The following LDB3 variants were observed in gnomAD, a reference collection of about 807,000 sequenced individuals.
The protein encoded by LDB3 is LIM domain-binding protein 3.
A neutral mutation model predicts 69.0 loss-of-function variants in LDB3; 49 were observed. That is an observed-to-expected ratio of 0.71 (90% CI 0.56 to 0.90). The LOEUF is 0.90. Ranked by LOEUF, LDB3 falls within the 40% of genes least tolerant of loss-of-function variation. LDB3 has a pLI of 0.00. For missense variants in LDB3, 928 were observed against 974.1 expected, an observed-to-expected ratio of 0.95 and a Z score of 0.63; for synonymous variants, 387 against 396.2, an observed-to-expected ratio of 0.98 and a Z score of 0.28.
rs1434546978 is a variant in LDB3, at chr10:86,699,541, C to T, written c.896+6970C>T. 24 of 1,484,774 alleles carry T rather than the reference C, an allele frequency of 1.6e-5. No homozygotes were observed. Among genetic ancestry groups the T allele is most frequent in the Non-Finnish European group, 2.0e-5 (22 of 1,119,082 alleles). The allele number at this position is 1,484,774 out of a possible 1,614,324, so 92.0% of individuals were successfully genotyped here. A position where few individuals can be genotyped will look rare whatever the true frequency, so the allele number is the denominator to read the frequency against. ...TTTCTGTCCTCTGCCCACCCCAGAG[C>T]TGATGCTGGGGCCCAGCCCCCTGCA... On this transcript the variant is annotated intron_variant, in intron 7 of 13. Transcript: ENST00000361373. This position sits in a 1 kb window ranked among gnomAD's most constrained non-coding sequence, Gnocchi z 4.9.
Position 86,732,911 on chromosome 10 carries a change from C to A in LDB3, c.2119C>A (p.Gln707Lys). ...CAVCHVNLEG[Q>K]PFYSKKDRPL... The stretch of plus-strand genomic sequence containing the variant: ...GGTCTGCCATGTGAATCTGGAGGGG[C>A]AGCCGTTCTACTCCAAGAAGGACAG... Residue 707 changes from glutamine (Q) to lysine (K), a missense_variant, in exon 14 of 14, where the codon CAG becomes AAG. Gln to Lys is a moderately conservative substitution (Grantham distance 53, BLOSUM62 1). Coordinates refer to ENST00000361373, the MANE Select transcript of LDB3 (RefSeq NM_007078.3). The A allele has an allele frequency of 6.2e-7, 1 of 1,613,874 alleles. No homozygotes were observed. The highest frequency in any genetic ancestry group is 1.7e-4 in the Middle Eastern group (1 of 6,058).
Position 86,699,236 on chromosome 10 carries a change from T to C in LDB3, c.896+6665T>C, listed in dbSNP as rs1846144574. 11 of 1,535,906 alleles carry C rather than the reference T, an allele frequency of 7.2e-6. No individual in the cohort carries two copies. Among genetic ancestry groups the C allele is most frequent in the Admixed American group, 5.7e-5 (3 of 52,538 alleles). On this transcript the variant is annotated intron_variant, in intron 7 of 13. Coordinates refer to ENST00000361373, the MANE Select transcript of LDB3 (RefSeq NM_007078.3). This position sits in a 1 kb window ranked among gnomAD's most constrained non-coding sequence, Gnocchi z 4.9. Reference sequence around the variant, plus strand: ...TTCTCTCTCTTTCTGTCTCTGTCTCTGTTTCTCTCTCTCTCTCTCTCTCTC... The same window carrying C: ...TTCTCTCTCTTTCTGTCTCTGTCTCCGTTTCTCTCTCTCTCTCTCTCTCTC...
At chr10:86,693,322 T>TTCCGGTAGCAAATATGTCA (rs1218474655) in intron 7 of LDB3, among the ~76,000 whole-genome samples, 1 of 152,182 alleles carries the variant, frequency 6.6e-6, no homozygotes, top group Admixed American at 6.5e-5. Context: ...GTATGTACAC[T>TTCCGGTAGCAAATATGTCA]TCCGGTAGCA....
intron 5 of LDB3, among the ~76,000 whole-genome samples, chr10:86,688,353 C>G (rs1204411726): frequency 6.6e-6 from 1 of 152,158 alleles, no homozygotes; most frequent in African/African-American, 2.4e-5. Flanking sequence ...AGACCCCAGC[C>G]CTTGTGGCCA....
chr10:86,688,225 A>C (rs2132402042), intron 5 of LDB3, among the ~76,000 whole-genome samples: 1 of 152,298 alleles, frequency 6.6e-6, no homozygotes, highest in African/African-American at 2.4e-5. Context: ...CTAGCAATTC[A>C]AGGCAAAAAG....
chr10:86,668,304 G>A, upstream of LDB3: 1 of 343,678 alleles, frequency 2.9e-6, no homozygotes, highest in Admixed American at 3.8e-5. Flanking sequence ...GGAGACCAGA[G>A]CATTCTCACC....
chr10:86,692,020 T>C lies in LDB3; in HGVS notation c.814T>C (p.Ser272Pro). 6.2e-7 allele frequency: 1 copy of C among 1,614,086 alleles called. No individual in the cohort carries two copies. Among genetic ancestry groups the C allele is most frequent in the Non-Finnish European group, 8.5e-7 (1 of 1,180,028 alleles). The change falls in exon 6 of 14, where the codon TCT becomes CCT. Residue 272 changes from serine (S) to proline (P), a missense_variant. By Grantham distance (74) the Ser-to-Pro change is moderately conservative. Coordinates refer to ENST00000361373, the MANE Select transcript of LDB3 (RefSeq NM_007078.3). The part of the protein sequence containing the change: ...EWARRSSNLQ[S>P]RSFRILAQMT... ...GGCACGCCGTTCCTCCAACCTGCAG[T>C]CTCGCTCCTTCCGCATCCTGGCCCA...
chr10:86,709,174 G>A (rs903356877), intron 8 of LDB3, among the ~76,000 whole-genome samples: 2 of 152,164 alleles, frequency 1.3e-5, no homozygotes, highest in Non-Finnish European at 2.9e-5. Context: ...GATTCCAGGA[G>A]TTCTCAGAGC....
chr10:86,715,727 A>G (rs1169637376), intron 9 of LDB3, among the ~76,000 whole-genome samples: 1 of 151,486 alleles, frequency 6.6e-6, no homozygotes, highest in East Asian at 1.9e-4. Context: ...AAGATCCCCC[A>G]CCCTAATCAA....
chr10:86,729,806 T>C (rs955855556), intron 13 of LDB3, among the ~76,000 whole-genome samples: 2 of 152,180 alleles, frequency 1.3e-5, no homozygotes, highest in Non-Finnish European at 2.9e-5. Context: ...CCTGGACACC[T>C]TCTCTCCCCA....
chr10:86,692,946 A>G (rs991326524), intron 7 of LDB3, among the ~76,000 whole-genome samples: 4 of 152,190 alleles, frequency 2.6e-5, no homozygotes, highest in Non-Finnish European at 5.9e-5. Flanking sequence ...CTGTCCCCCT[A>G]TGATTCCGAA....
At chr10:86,687,122 C>T in intron 5 of LDB3, 2 of 1,614,198 alleles carry the variant, frequency 1.2e-6, no homozygotes, top group Non-Finnish European at 1.7e-6. Context: ...TCGGCCCTGT[C>T]CACCCACAAG....
At chr10:86,694,294 G>A (rs746612314) in intron 7 of LDB3, among the ~76,000 whole-genome samples, 3 of 152,148 alleles carry the variant, frequency 2.0e-5, no homozygotes, top group Non-Finnish European at 4.4e-5. Context: ...GTTCTGCCTG[G>A]TCTTGAGGGT....
chr10:86,667,819 G>T (rs913676431), upstream of LDB3, among the ~76,000 whole-genome samples: 1 of 152,230 alleles, frequency 6.6e-6, no homozygotes, highest in Non-Finnish European at 1.5e-5. Flanking sequence ...AGCTGCCCAG[G>T]ACCAGGGCTT....
At chr10:86,725,390 T>A (rs940064561) in intron 12 of LDB3, among the ~76,000 whole-genome samples, 1 of 152,216 alleles carries the variant, frequency 6.6e-6, no homozygotes, top group African/African-American at 2.4e-5. Context: ...TTTGTGATGA[T>A]CAGTTTCATT....
chr10:86,692,275 TC>T (rs1207178361), intron 6 of LDB3, among the ~76,000 whole-genome samples: 2 of 152,196 alleles, frequency 1.3e-5, no homozygotes, highest in East Asian at 3.8e-4. Flanking sequence ...CAATGCCAAC[TC>T]CAGCAGTGGG....
At chr10:86,668,269 C>T (rs527779452), upstream of LDB3, among the ~76,000 whole-genome samples, 4 of 152,278 alleles carry the variant, frequency 2.6e-5, no homozygotes, top group Non-Finnish European at 5.9e-5. Flanking sequence ...CGAGTGTCTA[C>T]GCTCTCCAGA....
intron 13 of LDB3, among the ~76,000 whole-genome samples, chr10:86,728,124 G>A (rs957518687): frequency 6.6e-6 from 1 of 152,124 alleles, no homozygotes; most frequent in Non-Finnish European, 1.5e-5. Context: ...ACAGCACAGG[G>A]GTCTCTGAAC....
chr10:86,718,588 C>A, intron 11 of LDB3, 139 bp from the exon 12 acceptor site: 1 of 1,182,512 alleles, frequency 8.5e-7, no homozygotes, highest in Non-Finnish European at 1.3e-6. Context: ...GGTCTTTCTT[C>A]AGAGTGACCA....
Sources: allele counts gnomAD v4.1 joint callset (sites outside exome capture counted in the v4.1 genomes callset), GRCh38; gene constraint gnomAD v4.1.1; non-coding constraint Gnocchi (gnomAD v3.1); transcripts MANE v1.5; gene names NCBI Gene and HGNC (gene_info 2026-07-23, HGNC 2026-07-21).